The following TMEM51 variants were observed in gnomAD, a reference collection of about 807,000 sequenced individuals.
TMEM51 encodes the protein transmembrane protein 51, also known as chromosome 1 open reading frame 72.
In TMEM51, 8 loss-of-function variants were observed where a neutral mutation model predicts 13.6. The ratio of observed to expected loss-of-function variants is 0.59; its 90% CI spans 0.35 to 1.07. The LOEUF (loss-of-function observed/expected upper bound fraction) is 1.07. Ranked by LOEUF, TMEM51 falls within the 50% of genes least tolerant of loss-of-function variation. TMEM51 has a pLI of 0.02. For missense variants in TMEM51, 279 were observed against 330.7 expected (o/e 0.84, Z 1.21); for synonymous variants, 147 against 144.4 (o/e 1.02, Z -0.13).
At chr1:15,209,838 A>G (rs1019364595) in intron 1 of TMEM51, among the ~76,000 whole-genome samples, 2 of 152,138 alleles carry the variant, frequency 1.3e-5, no homozygotes, top group Non-Finnish European at 2.9e-5. Context: ...TCGGACCAGC[A>G]TGGCCAACAT....
Position 15,177,300 on chromosome 1 carries a change from T to G in TMEM51, c.-267+23346T>G, listed in dbSNP as rs1365727306. Among the ~76,000 whole-genome samples the G allele has an allele frequency of 3.9e-5, 6 of 152,304 alleles. No homozygotes were observed. In the East Asian group the frequency reaches 1.2e-3, roughly 29 times the overall value. On this transcript the variant is annotated intron_variant, in intron 1 of 3. Transcript: ENST00000376008. The stretch of plus-strand genomic sequence containing the variant: ...AGATATAGTCCTGGAGCTGCCAGTT[T>G]GAAACCAGAGAGTGTGTGTATGTTA...
At chr1:15,185,930 G>T (rs1557843518) in intron 1 of TMEM51, among the ~76,000 whole-genome samples, 1 of 152,178 alleles carries the variant, frequency 6.6e-6, no homozygotes, top group Admixed American at 6.5e-5. Context: ...CAAGTGGAAA[G>T]AACCATGTCT....
intron 1 of TMEM51, among the ~76,000 whole-genome samples, chr1:15,162,642 A>G (rs1642822863): frequency 6.6e-6 from 1 of 152,128 alleles, no homozygotes; most frequent in Non-Finnish European, 1.5e-5. Context: ...GAATGAATAA[A>G]CAAAATGTGG....
At position 15,182,703 on chromosome 1, in the gene TMEM51, T is replaced by C. The variant is rs1393583060; in HGVS notation, c.-266-27787T>C. Among the ~76,000 whole-genome samples, 2 of 152,128 alleles carry C rather than the reference T, an allele frequency of 1.3e-5. 1 individual carries two copies. The highest frequency in any genetic ancestry group is 2.9e-5 in the Non-Finnish European group (2 of 68,028). ...TACTGGATCCCCAAAGCTAAAAGAT[T>C]ATTTACCTGGTGGCTGTGAGGAGGG... On this transcript the variant is annotated intron_variant, in intron 1 of 3. Transcript: ENST00000376008.
intron 1 of TMEM51, among the ~76,000 whole-genome samples, chr1:15,190,909 T>TC (rs1250800465): frequency 6.6e-6 from 1 of 152,070 alleles, no homozygotes; most frequent in Non-Finnish European, 1.5e-5. Flanking sequence ...TGCCTCAGCC[T>TC]CCCCAGAAGA....
chr1:15,167,325 T>TC (rs200960505), intron 1 of TMEM51, among the ~76,000 whole-genome samples: 86 of 27,238 alleles, frequency 3.2e-3, no homozygotes, highest in East Asian at 0.014. Context: ...AGACTCCATC[T>TC]CAAAAAAAAA....
intron 1 of TMEM51, among the ~76,000 whole-genome samples, chr1:15,176,651 C>A (rs1643465489): frequency 6.6e-6 from 1 of 152,324 alleles, no homozygotes; most frequent in Non-Finnish European, 1.5e-5. Flanking sequence ...ACATGTTTTT[C>A]TCCACCCTGC....
At chr1:15,178,575 C>A (rs765705336) in intron 1 of TMEM51, among the ~76,000 whole-genome samples, 2 of 152,188 alleles carry the variant, frequency 1.3e-5, no homozygotes, top group Admixed American at 1.3e-4. Context: ...TGCTTCCTGA[C>A]CCCCATCTGC....
At chr1:15,171,257 A>G in intron 1 of TMEM51, 2 of 1,304,264 alleles carry the variant, frequency 1.5e-6, no homozygotes, top group Non-Finnish European at 2.0e-6. Context: ...AAAGGTTTGC[A>G]GGTCAGAGTG....
chr1:15,170,621 C>G (rs1643228330), intron 1 of TMEM51, among the ~76,000 whole-genome samples: 1 of 152,052 alleles, frequency 6.6e-6, no homozygotes, highest in African/African-American at 2.4e-5. Flanking sequence ...CCTATTTTAA[C>G]CATTTTTAAG....
intron 1 of TMEM51, chr1:15,192,175 G>T: frequency 2.5e-6 from 1 of 396,760 alleles, no homozygotes; most frequent in Non-Finnish European, 5.0e-6. Context: ...TAGTCTGCCG[G>T]CTGCAAAGAT....
intron 1 of TMEM51, among the ~76,000 whole-genome samples, chr1:15,157,825 A>C (rs1306771423): frequency 6.6e-6 from 1 of 152,242 alleles, no homozygotes; most frequent in Non-Finnish European, 1.5e-5. Context: ...CTTCGTCCAC[A>C]GATTACAAAA....
chr1:15,158,439 G>T (rs1351875447), intron 1 of TMEM51, among the ~76,000 whole-genome samples: 1 of 152,126 alleles, frequency 6.6e-6, no homozygotes, highest in African/African-American at 2.4e-5. Context: ...TGACTTTTAT[G>T]TGTTTATTTT....
chr1:15,188,442 C>T (rs1449757263), intron 1 of TMEM51, among the ~76,000 whole-genome samples: 1 of 152,236 alleles, frequency 6.6e-6, no homozygotes, highest in Admixed American at 6.5e-5. Context: ...TAGGCAAGCA[C>T]ATGACATGGC....
intron 1 of TMEM51, among the ~76,000 whole-genome samples, chr1:15,176,544 A>C (rs1643462295): frequency 6.6e-6 from 1 of 152,182 alleles, no homozygotes; most frequent in Non-Finnish European, 1.5e-5. Flanking sequence ...GGCAAGACAC[A>C]GAGAGTGGAG....
intron 1 of TMEM51, among the ~76,000 whole-genome samples, chr1:15,179,635 T>C (rs1338841530): frequency 1.3e-5 from 2 of 151,862 alleles, no homozygotes; most frequent in Non-Finnish European, 2.9e-5. Context: ...ATATAAAAAT[T>C]AGCGGGCGTG....
At chr1:15,157,304 C>T (rs759028140) in intron 1 of TMEM51, among the ~76,000 whole-genome samples, 1 of 152,208 alleles carries the variant, frequency 6.6e-6, no homozygotes, top group Non-Finnish European at 1.5e-5. Flanking sequence ...TCCACATTCT[C>T]TCTTGCCCTG....
intron 1 of TMEM51, among the ~76,000 whole-genome samples, chr1:15,158,347 A>C (rs2100807443): frequency 6.6e-6 from 1 of 152,320 alleles, no homozygotes; most frequent in African/African-American, 2.4e-5. Context: ...CTGAACTCTT[A>C]GAAATGGAAG....
At chr1:15,181,772 T>C (rs952264507) in intron 1 of TMEM51, among the ~76,000 whole-genome samples, 1 of 152,250 alleles carries the variant, frequency 6.6e-6, no homozygotes, top group African/African-American at 2.4e-5. Context: ...TGCTCTGTTT[T>C]CTTTGGGTTG....
Sources: allele counts gnomAD v4.1 joint callset (sites outside exome capture counted in the v4.1 genomes callset), GRCh38; gene constraint gnomAD v4.1.1; transcripts MANE v1.5; gene names NCBI Gene and HGNC (gene_info 2026-07-23, HGNC 2026-07-21).